CDH12: variants seen among roughly 807,000 people sequenced by gnomAD.
CDH12 encodes cadherin-12.
Under a neutral mutation model 74.1 loss-of-function variants are expected in CDH12, and 41 were observed. The observed-to-expected ratio is 0.55, with a 90% CI of 0.43 to 0.72. CDH12 has a LOEUF of 0.72. CDH12 is among the 30% of genes least tolerant of loss of function. The pLI is 0.00. For missense variants in CDH12, 945 were observed against 977.2 expected, an observed-to-expected ratio of 0.97 and a Z score of 0.44; for synonymous variants, 399 against 355.0, an observed-to-expected ratio of 1.12 and a Z score of -1.39.
intron 1 of CDH12, among the ~76,000 whole-genome samples, chr5:22,607,479 AG>A (rs1737176875): frequency 6.6e-6 from 1 of 152,226 alleles, no homozygotes; most frequent in African/African-American, 2.4e-5. Flanking sequence ...ATGAGGAAGA[AG>A]CAAAAGCGGA....
Position 22,269,691 on chromosome 5 carries a change from C to G in CDH12, c.-332-57048G>C, listed in dbSNP as rs142550575. 2.8e-4 allele frequency among the ~76,000 whole-genome samples: 43 copies of G among 152,274 alleles called. No individual in the cohort carries two copies. In the East Asian group the frequency reaches 5.2e-3, roughly 18 times the overall value. On this transcript the variant is annotated intron_variant, in intron 3 of 14. Coordinates refer to ENST00000382254, the MANE Select transcript of CDH12 (RefSeq NM_004061.5). The stretch of plus-strand genomic sequence containing the variant: ...GAAACTCCAGATAAGAGTCCCCATC[C>G]TTCACCTGAAATGACTTTCTGCTTA...
chr5:22,287,699 G>A (rs1223910275), intron 3 of CDH12, among the ~76,000 whole-genome samples: 3 of 144,266 alleles, frequency 2.1e-5, no homozygotes, highest in Admixed American at 1.4e-4. Context: ...ATCCTGCCTG[G>A]GCTAAAAAGC....
chr5:22,338,070 A>G (rs1351374086), intron 3 of CDH12, among the ~76,000 whole-genome samples: 2 of 152,062 alleles, frequency 1.3e-5, no homozygotes, highest in Admixed American at 6.5e-5. Context: ...ACTGCTGGGT[A>G]TATATCCAAA....
chr5:22,672,045 A>G (rs892096053), intron 1 of CDH12, among the ~76,000 whole-genome samples: 1 of 143,558 alleles, frequency 7.0e-6, no homozygotes, highest in Non-Finnish European at 1.5e-5. Flanking sequence ...TAAAATATAT[A>G]TAATAAATAT....
At chr5:22,566,476 G>A (rs1486279159) in intron 1 of CDH12, among the ~76,000 whole-genome samples, 1 of 152,038 alleles carries the variant, frequency 6.6e-6, no homozygotes, top group Non-Finnish European at 1.5e-5. Context: ...CTGACCTCAG[G>A]TGATCCACCG....
chr5:22,775,779 G>A lies in CDH12; in HGVS notation c.-523+77279C>T, dbSNP rs115795702. 7.1e-3 allele frequency among the ~76,000 whole-genome samples: 1,078 copies of A among 152,070 alleles called. 13 individuals carry two copies. The highest frequency in any genetic ancestry group is 0.025 in the African/African-American group (1,038 of 41,494). On this transcript the variant is annotated intron_variant, in intron 1 of 14. Coordinates refer to ENST00000382254, the MANE Select transcript of CDH12 (RefSeq NM_004061.5). ...CATTATTCTTCATACTAACTGATAT[G>A]GTTTGACTGTGTCCCCGCCCAGCTC... is the stretch of plus-strand genomic sequence containing the variant.
chr5:22,277,839 A>T (rs933356413), intron 3 of CDH12, among the ~76,000 whole-genome samples: 5 of 152,172 alleles, frequency 3.3e-5, no homozygotes, highest in Admixed American at 6.5e-5. Context: ...TGTCTCAAAC[A>T]ACAACAACAA....
At chr5:21,802,054 A>C in intron 10 of CDH12, 113 bp downstream of exon 10, 1 of 831,114 alleles carries the variant, frequency 1.2e-6, no homozygotes, top group Non-Finnish European at 1.9e-6. Flanking sequence ...CAAGCATCAT[A>C]TTCTATAATT....
intron 1 of CDH12, among the ~76,000 whole-genome samples, chr5:22,802,336 G>A (rs915819669): frequency 6.6e-6 from 1 of 151,866 alleles, no homozygotes; most frequent in East Asian, 1.9e-4. Context: ...TAGCCAGGAT[G>A]GTCTCCATCT....
intron 6 of CDH12, among the ~76,000 whole-genome samples, chr5:21,893,528 A>G (rs1752985731): frequency 6.6e-6 from 1 of 152,192 alleles, no homozygotes; most frequent in East Asian, 1.9e-4. Context: ...GTAATATTTA[A>G]CAAAGCCTTA....
chr5:22,337,010 G>A (rs901311925), intron 3 of CDH12, among the ~76,000 whole-genome samples: 1 of 152,170 alleles, frequency 6.6e-6, no homozygotes, highest in African/African-American at 2.4e-5. Context: ...CAAGACTATG[G>A]GAACCTACCT....
intron 1 of CDH12, among the ~76,000 whole-genome samples, chr5:22,829,169 A>G (rs1343616079): frequency 1.3e-5 from 2 of 152,166 alleles, no homozygotes; most frequent in East Asian, 1.9e-4. Context: ...AGTGAGGAAA[A>G]TGACAAATTT....
intron 1 of CDH12, among the ~76,000 whole-genome samples, chr5:22,513,212 G>A (rs550142026): frequency 1.3e-5 from 2 of 152,096 alleles, no homozygotes; most frequent in Admixed American, 1.3e-4. Flanking sequence ...TCCTTCAAAG[G>A]CAAAAGCAAC....
At chr5:21,810,368 A>G (rs1747683085) in intron 9 of CDH12, among the ~76,000 whole-genome samples, 1 of 152,094 alleles carries the variant, frequency 6.6e-6, no homozygotes, top group Non-Finnish European at 1.5e-5. Flanking sequence ...ATAGGTGGAG[A>G]AAGGAAAATT....
At chr5:22,792,470 C>T (rs1747966995) in intron 1 of CDH12, among the ~76,000 whole-genome samples, 1 of 152,186 alleles carries the variant, frequency 6.6e-6, no homozygotes, top group Non-Finnish European at 1.5e-5. Context: ...ACAGAAATGT[C>T]TAACTTCTTA....
At chr5:21,926,777 C>T (rs545342382) in intron 6 of CDH12, among the ~76,000 whole-genome samples, 8 of 151,966 alleles carry the variant, frequency 5.3e-5, no homozygotes, top group South Asian at 2.1e-4. Flanking sequence ...GCTGTAGGAG[C>T]GGGAGTGAAG....
intron 2 of CDH12, among the ~76,000 whole-genome samples, chr5:22,491,735 G>T: frequency 6.6e-6 from 1 of 152,112 alleles, no homozygotes; most frequent in East Asian, 1.9e-4. Context: ...TGTGGGCTGT[G>T]GGTTGGACAA....
At chr5:22,175,433 A>G (rs1749275661) in intron 4 of CDH12, among the ~76,000 whole-genome samples, 1 of 152,026 alleles carries the variant, frequency 6.6e-6, no homozygotes, top group Non-Finnish European at 1.5e-5. Context: ...TCAAACAGAA[A>G]GCTAATATAA....
intron 6 of CDH12, among the ~76,000 whole-genome samples, chr5:21,860,532 A>AGAT (rs1392760835): frequency 2.6e-5 from 4 of 151,940 alleles, no homozygotes; most frequent in African/African-American, 7.2e-5. Context: ...TTGCCAAAGG[A>AGAT]GATTAACATT....
Sources: gnomAD v4.1 joint callset for allele counts (sites outside exome capture counted in the v4.1 genomes callset) on GRCh38, gnomAD v4.1.1 for gene constraint, MANE v1.5 for transcripts, NCBI Gene and HGNC (gene_info 2026-07-23, HGNC 2026-07-21) for gene names.